MAP4K3: variants seen among roughly 807,000 people sequenced by gnomAD.
MAP4K3 encodes mitogen-activated protein kinase kinase kinase kinase 3.
A neutral mutation model predicts 143.5 loss-of-function variants in MAP4K3; 94 were observed. The observed-to-expected ratio is 0.65, with a 90% CI of 0.55 to 0.78. MAP4K3 has a LOEUF of 0.78. Ranked by LOEUF, MAP4K3 falls within the 30% of genes least tolerant of loss-of-function variation. The probability of loss-of-function intolerance (pLI) is 0.00; values close to 1 mark genes in which losing one functional copy is unlikely to be tolerated. For missense variants in MAP4K3, 1,077 were observed against 1,068.1 expected, an observed-to-expected ratio of 1.01 and a Z score of -0.12; for synonymous variants, 416 against 347.2, an observed-to-expected ratio of 1.20 and a Z score of -2.20.
intron 5 of MAP4K3, 107 bp from the exon 6 acceptor site, chr2:39,337,074 AC>A: frequency 1.8e-6 from 1 of 567,546 alleles, no homozygotes; most frequent in East Asian, 3.3e-5. Flanking sequence ...TTTAATCTTT[AC>A]AGGAGATCTA....
chr2:39,372,125 T>C (rs901272417), intron 2 of MAP4K3, among the ~76,000 whole-genome samples: 2 of 151,766 alleles, frequency 1.3e-5, no homozygotes, highest in African/African-American at 4.8e-5. Flanking sequence ...AGTAGTATCA[T>C]TTTTGTATGC....
At chr2:39,305,882 T>C (rs912588787) in intron 15 of MAP4K3, among the ~76,000 whole-genome samples, 1 of 151,438 alleles carries the variant, frequency 6.6e-6, no homozygotes, top group Admixed American at 6.6e-5. Flanking sequence ...CAGGCTGGAG[T>C]GCAATGGCAC....
At chr2:39,307,547 AAT>A (rs1682753236) in intron 15 of MAP4K3, among the ~76,000 whole-genome samples, 1 of 151,536 alleles carries the variant, frequency 6.6e-6, no homozygotes, top group Non-Finnish European at 1.5e-5. Flanking sequence ...AATGCATATG[AAT>A]ATATGTACCA....
At chr2:39,329,160 G>A (rs17023696) in intron 8 of MAP4K3, among the ~76,000 whole-genome samples, 5,721 of 152,136 alleles carry the variant, frequency 0.038, 135 homozygotes, top group South Asian at 0.052. Flanking sequence ...AACTGGAGTT[G>A]GAAATTTCAT....
At chr2:39,327,424 T>C (rs1020254219) in intron 8 of MAP4K3, among the ~76,000 whole-genome samples, 2 of 152,198 alleles carry the variant, frequency 1.3e-5, no homozygotes, top group African/African-American at 4.8e-5. Flanking sequence ...CTTATTCTAA[T>C]TATACTTCCA....
At chr2:39,406,024 T>A (rs1026647112) in intron 1 of MAP4K3, among the ~76,000 whole-genome samples, 1 of 151,994 alleles carries the variant, frequency 6.6e-6, no homozygotes, top group Non-Finnish European at 1.5e-5. Context: ...TCCTATCAGA[T>A]AAATTTAACA....
At chr2:39,409,765 T>C (rs2148616405) in intron 1 of MAP4K3, among the ~76,000 whole-genome samples, 1 of 152,338 alleles carries the variant, frequency 6.6e-6, no homozygotes, top group African/African-American at 2.4e-5. Context: ...ATTATCCATA[T>C]TCTACATGGA....
Position 39,342,484 on chromosome 2 carries a change from A to G in MAP4K3, c.310+904T>C, listed in dbSNP as rs367731856. ...CTATCTTTTAAAGACCAATGTAAGT[A>G]GCTTATTTTCTTTATTAAGTTTTCT... is the stretch of plus-strand genomic sequence containing the variant. On this transcript the variant is annotated intron_variant, in intron 4 of 33. Coordinates refer to ENST00000263881, the MANE Select transcript of MAP4K3 (RefSeq NM_003618.4). 5.9e-5 allele frequency among the ~76,000 whole-genome samples: 9 copies of G among 152,324 alleles called. No homozygotes were observed. In the South Asian group the frequency reaches 1.2e-3, roughly 21 times the overall value.
At chr2:39,391,652 G>C (rs911923381) in intron 1 of MAP4K3, among the ~76,000 whole-genome samples, 2 of 152,136 alleles carry the variant, frequency 1.3e-5, no homozygotes, top group Non-Finnish European at 2.9e-5. Context: ...GACAACAGGT[G>C]CTCAAAATAT....
chr2:39,365,246 T>C (rs1665887566), intron 2 of MAP4K3, among the ~76,000 whole-genome samples: 1 of 152,144 alleles, frequency 6.6e-6, no homozygotes, highest in Admixed American at 6.5e-5. Context: ...ATGTTAATGT[T>C]GGTCAGCTGA....
Position 39,394,346 on chromosome 2 carries a change from C to G in MAP4K3, c.97-16223G>C, listed in dbSNP as rs116032400. ...TAAGGACACGTTGCACTACAGCAAG[C>G]CTGAAATGAGGACAGCTTGAACTAA... On this transcript the variant is annotated intron_variant, in intron 1 of 33. Coordinates refer to ENST00000263881, the MANE Select transcript of MAP4K3 (RefSeq NM_003618.4). Among the ~76,000 whole-genome samples the G allele has an allele frequency of 6.0e-3, 919 of 152,192 alleles. 10 individuals are homozygous for G. Among genetic ancestry groups the G allele is most frequent in the African/African-American group, 0.021 (881 of 41,520 alleles).
chr2:39,282,689 G>A, intron 21 of MAP4K3, 135 bp from the exon 22 acceptor site: 1 of 626,038 alleles, frequency 1.6e-6, no homozygotes, highest in South Asian at 2.0e-5. Flanking sequence ...AGTTAAGGCT[G>A]AAGTTCCCCA....
intron 12 of MAP4K3, among the ~76,000 whole-genome samples, chr2:39,321,666 G>A (rs1228398522): frequency 7.9e-5 from 12 of 152,278 alleles, no homozygotes; most frequent in East Asian, 1.9e-4. Context: ...TCTCCTGCCC[G>A]TCCCTGGGCA....
chr2:39,359,443 C>T (rs905003875), intron 2 of MAP4K3, among the ~76,000 whole-genome samples: 1 of 152,224 alleles, frequency 6.6e-6, no homozygotes, highest in Non-Finnish European at 1.5e-5. Context: ...TATTAAGTGT[C>T]TCCAGCTTTT....
chr2:39,261,953 G>A (rs984563542), intron 28 of MAP4K3, among the ~76,000 whole-genome samples: 1 of 152,022 alleles, frequency 6.6e-6, no homozygotes, highest in South Asian at 2.1e-4. Context: ...GCAGGGAGCT[G>A]ACTAAAAGGG....
At chr2:39,305,332 G>A (rs1573123179) in intron 15 of MAP4K3, among the ~76,000 whole-genome samples, 1 of 152,128 alleles carries the variant, frequency 6.6e-6, no homozygotes, top group African/African-American at 2.4e-5. Context: ...GATGATGTTG[G>A]GTAGAGGCAA....
intron 28 of MAP4K3, among the ~76,000 whole-genome samples, chr2:39,262,306 T>C (rs1428848010): frequency 3.3e-5 from 5 of 152,212 alleles, no homozygotes; most frequent in Admixed American, 2.6e-4. Context: ...CTACAGTCCT[T>C]CTTTCCCTGT....
chr2:39,322,592 A>ATG (rs71752304), intron 12 of MAP4K3, among the ~76,000 whole-genome samples: 9,610 of 144,706 alleles, frequency 0.066, 1,018 homozygotes, highest in African/African-American at 0.23. Flanking sequence ...GATGTGGTAT[A>ATG]TGTGTGTGTG....
chr2:39,280,961 A>G (rs1340860020), intron 22 of MAP4K3, among the ~76,000 whole-genome samples: 1 of 152,196 alleles, frequency 6.6e-6, no homozygotes, highest in Non-Finnish European at 1.5e-5. Context: ...AAGTCCATTT[A>G]CAAACTTTTC....
Sources: allele counts gnomAD v4.1 joint callset (sites outside exome capture counted in the v4.1 genomes callset), GRCh38; gene constraint gnomAD v4.1.1; transcripts MANE v1.5; gene names NCBI Gene and HGNC (gene_info 2026-07-23, HGNC 2026-07-21).